DCC: variants seen among roughly 807,000 people sequenced by gnomAD.
DCC encodes netrin receptor DCC.
In DCC, 58 loss-of-function variants were observed where a neutral mutation model predicts 172.5. The observed-to-expected ratio is 0.34, with a 90% CI of 0.27 to 0.42. The LOEUF is 0.42. Among genes scored for constraint, DCC ranks in the 10% least tolerant of loss-of-function variants. The probability of loss-of-function intolerance (pLI) is 1.00; values close to 1 mark genes in which losing one functional copy is unlikely to be tolerated. For synonymous variants in DCC, 709 were observed against 644.5 expected (o/e 1.10, Z -1.52); for missense variants, 1,740 against 1,791.0 (o/e 0.97, Z 0.51).
chr18:53,141,208 C>T (rs748609829), intron 7 of DCC, among the ~76,000 whole-genome samples: 2 of 152,066 alleles, frequency 1.3e-5, no homozygotes, highest in South Asian at 2.1e-4. Flanking sequence ...TCCCTAGCGA[C>T]CTCTGTTTCC....
At chr18:52,721,327 G>A (rs189769474) in intron 1 of DCC, among the ~76,000 whole-genome samples, 178 of 152,278 alleles carry the variant, frequency 1.2e-3, no homozygotes, top group Non-Finnish European at 2.2e-3. Flanking sequence ...ATGTTGGGCT[G>A]TTCCTTCTGT....
chr18:52,724,972 T>C (rs2036530158), intron 1 of DCC, among the ~76,000 whole-genome samples: 1 of 152,200 alleles, frequency 6.6e-6, no homozygotes, highest in South Asian at 2.1e-4. Flanking sequence ...CCACATGAAA[T>C]GTCTTTCTCA....
intron 5 of DCC, among the ~76,000 whole-genome samples, chr18:53,011,455 CAA>C: frequency 1.3e-5 from 2 of 151,490 alleles, no homozygotes; most frequent in East Asian, 3.9e-4. Flanking sequence ...ACTGATTTTG[CAA>C]AGAGGGTTAC....
At chr18:53,511,894 C>T (rs565099328) in intron 27 of DCC, among the ~76,000 whole-genome samples, 33 of 152,280 alleles carry the variant, frequency 2.2e-4, no homozygotes, top group African/African-American at 6.7e-4. Context: ...GGGGGAGGGG[C>T]GCCCGCCATT....
chr18:52,794,007 C>A (rs1411866133), intron 2 of DCC, among the ~76,000 whole-genome samples: 1 of 151,854 alleles, frequency 6.6e-6, no homozygotes, highest in Non-Finnish European at 1.5e-5. Context: ...TATATTGTGC[C>A]ATTGGTCTAT....
At chr18:52,997,682 A>G (rs1477779475) in intron 5 of DCC, among the ~76,000 whole-genome samples, 1 of 152,154 alleles carries the variant, frequency 6.6e-6, no homozygotes. Context: ...GGTAAAAACA[A>G]AACGTGAACA....
At chr18:52,376,202 A>G (rs943274783) in intron 1 of DCC, among the ~76,000 whole-genome samples, 8 of 152,210 alleles carry the variant, frequency 5.3e-5, no homozygotes, top group Admixed American at 3.9e-4. Flanking sequence ...TTGCTTAAAA[A>G]GAACATTGAG....
At chr18:53,390,201 C>T (rs574632145) in intron 16 of DCC, among the ~76,000 whole-genome samples, 2 of 152,174 alleles carry the variant, frequency 1.3e-5, no homozygotes, top group Non-Finnish European at 2.9e-5. Context: ...AAATAAAATA[C>T]AGAAAGCCTG....
intron 5 of DCC, among the ~76,000 whole-genome samples, chr18:52,976,369 A>G (rs1183094707): frequency 6.6e-6 from 1 of 151,792 alleles, no homozygotes; most frequent in Non-Finnish European, 1.5e-5. Context: ...CTACTTGTCA[A>G]TTTTTGCTTT....
At chr18:52,439,238 A>C (rs2144491238) in intron 1 of DCC, among the ~76,000 whole-genome samples, 1 of 150,162 alleles carries the variant, frequency 6.7e-6, no homozygotes, top group South Asian at 2.1e-4. Flanking sequence ...TCACAGAAAA[A>C]AATACAGGTA....
intron 1 of DCC, among the ~76,000 whole-genome samples, chr18:52,664,470 CT>C (rs74178680): frequency 1.0e-5 from 1 of 99,800 alleles, no homozygotes; most frequent in African/African-American, 4.1e-5. Flanking sequence ...TTTTCTTTTT[CT>C]TTTTCTTTTT....
At chr18:53,391,987 T>C (rs1463791663) in intron 17 of DCC, 100 bp downstream of exon 17, 1 of 724,190 alleles carries the variant, frequency 1.4e-6, no homozygotes. Context: ...GTTTTGCTGC[T>C]GTGTATCTAT....
chr18:53,159,996 C>G (rs1235617452), intron 8 of DCC, among the ~76,000 whole-genome samples: 2 of 151,702 alleles, frequency 1.3e-5, no homozygotes, highest in African/African-American at 4.8e-5. Context: ...AATTTAGGCT[C>G]AAAGTATAGG....
intron 13 of DCC, among the ~76,000 whole-genome samples, chr18:53,309,092 C>A (rs1184311948): frequency 1.3e-5 from 2 of 152,072 alleles, no homozygotes; most frequent in African/African-American, 4.8e-5. Context: ...GGCTGGAGTA[C>A]CGTGGCATGA....
At chr18:52,605,741 T>A (rs2034119509) in intron 1 of DCC, among the ~76,000 whole-genome samples, 2 of 152,084 alleles carry the variant, frequency 1.3e-5, no homozygotes, top group South Asian at 4.1e-4. Context: ...ATGACTAGAC[T>A]TTATTTGGGA....
At chr18:53,276,779 A>T (rs2056810930) in intron 12 of DCC, among the ~76,000 whole-genome samples, 1 of 152,148 alleles carries the variant, frequency 6.6e-6, no homozygotes, top group Non-Finnish European at 1.5e-5. Context: ...AATAAATAAG[A>T]TCTTTGACAT....
At chr18:52,484,026 T>C (rs1209340081) in intron 1 of DCC, among the ~76,000 whole-genome samples, 2 of 152,242 alleles carry the variant, frequency 1.3e-5, no homozygotes, top group Admixed American at 1.3e-4. Flanking sequence ...TGTAGCATTA[T>C]GCTCTGGGAA....
At chr18:53,243,043 A>G (rs1157936541) in intron 12 of DCC, among the ~76,000 whole-genome samples, 1 of 152,126 alleles carries the variant, frequency 6.6e-6, no homozygotes, top group African/African-American at 2.4e-5. Flanking sequence ...AAGAAGGAAC[A>G]TTTTTAACAT....
chr18:53,235,833 T>C (rs1042587015), intron 12 of DCC, among the ~76,000 whole-genome samples: 1 of 152,146 alleles, frequency 6.6e-6, no homozygotes, highest in African/African-American at 2.4e-5. Flanking sequence ...GTCTCTGAAT[T>C]TGCCTATTCC....
Sources: gnomAD v4.1 joint callset for allele counts (sites outside exome capture counted in the v4.1 genomes callset) on GRCh38, gnomAD v4.1.1 for gene constraint, MANE v1.5 for transcripts, NCBI Gene and HGNC (gene_info 2026-07-23, HGNC 2026-07-21) for gene names.